Variants in SGCZ observed in about 807,000 individuals in gnomAD.
The protein encoded by SGCZ is sarcoglycan zeta.
A neutral mutation model predicts 41.3 loss-of-function variants in SGCZ; 40 were observed. The ratio of observed to expected loss-of-function variants is 0.97; its 90% confidence interval spans 0.75 to 1.26. The LOEUF is 1.26. SGCZ is among the 50% of genes most tolerant of loss of function. SGCZ has a pLI of 0.00. For missense variants in SGCZ, 552 were observed against 369.8 expected, an observed-to-expected ratio of 1.49 and a Z score of -4.04; for synonymous variants, 206 against 137.5, an observed-to-expected ratio of 1.50 and a Z score of -3.49.
intron 1 of SGCZ, among the ~76,000 whole-genome samples, chr8:14,672,789 A>G (rs1295040897): frequency 6.6e-6 from 1 of 152,154 alleles, no homozygotes; most frequent in Admixed American, 6.5e-5. Context: ...TCCTAGTACT[A>G]GTAAGACCTC....
chr8:14,731,424 T>A (rs1050161953), intron 1 of SGCZ, among the ~76,000 whole-genome samples: 1 of 151,874 alleles, frequency 6.6e-6, no homozygotes, highest in African/African-American at 2.4e-5. Flanking sequence ...TTAGGAGAAA[T>A]ACCTGATGTA....
At chr8:14,905,933 A>C (rs1243710743) in intron 1 of SGCZ, among the ~76,000 whole-genome samples, 1 of 152,126 alleles carries the variant, frequency 6.6e-6, no homozygotes, top group East Asian at 1.9e-4. Context: ...TACCTCTACA[A>C]ATAAAATAAA....
At chr8:14,983,319 C>T (rs898204834) in intron 1 of SGCZ, among the ~76,000 whole-genome samples, 1 of 151,864 alleles carries the variant, frequency 6.6e-6, no homozygotes, top group Non-Finnish European at 1.5e-5. Context: ...TGCCTCAGCA[C>T]ACCAGGTGGC....
chr8:14,130,692 G>C (rs923373408), intron 5 of SGCZ, among the ~76,000 whole-genome samples: 1 of 152,174 alleles, frequency 6.6e-6, no homozygotes, highest in African/African-American at 2.4e-5. Context: ...ACGAAAAACA[G>C]CTTGAAAAAT....
At chr8:14,318,793 G>A (rs752910679) in intron 3 of SGCZ, among the ~76,000 whole-genome samples, 6 of 151,800 alleles carry the variant, frequency 4.0e-5, no homozygotes, top group Non-Finnish European at 5.9e-5. Context: ...TAACTCATCA[G>A]GAATAATCAA....
At chr8:15,028,777 A>G (rs1382048104) in intron 1 of SGCZ, among the ~76,000 whole-genome samples, 1 of 152,058 alleles carries the variant, frequency 6.6e-6, no homozygotes, top group African/African-American at 2.4e-5. Flanking sequence ...AGATCTTCCT[A>G]TCTAACTCAA....
intron 3 of SGCZ, among the ~76,000 whole-genome samples, chr8:14,240,698 C>G (rs1172023809): frequency 2.6e-5 from 4 of 152,120 alleles, no homozygotes; most frequent in Non-Finnish European, 1.5e-5. Context: ...AACCAAGTAT[C>G]CATTTTTGAT....
At chr8:15,042,913 A>G (rs1489915348) in intron 1 of SGCZ, among the ~76,000 whole-genome samples, 1 of 152,160 alleles carries the variant, frequency 6.6e-6, no homozygotes, top group Non-Finnish European at 1.5e-5. Flanking sequence ...TTATTATTTA[A>G]TAGTGTTTCA....
At chr8:14,964,601 C>T (rs769264848) in intron 1 of SGCZ, among the ~76,000 whole-genome samples, 13 of 152,184 alleles carry the variant, frequency 8.5e-5, no homozygotes, top group Non-Finnish European at 1.6e-4. Flanking sequence ...GCCAATCCCA[C>T]ACGTAGCTTT....
At chr8:14,771,946 T>C (rs1800254514) in intron 1 of SGCZ, among the ~76,000 whole-genome samples, 1 of 152,188 alleles carries the variant, frequency 6.6e-6, no homozygotes, top group African/African-American at 2.4e-5. Flanking sequence ...TGATATCTAT[T>C]TGATTTCATA....
At chr8:14,518,912 T>C (rs1341159853) in intron 2 of SGCZ, among the ~76,000 whole-genome samples, 1 of 73,578 alleles carries the variant, frequency 1.4e-5, no homozygotes, top group African/African-American at 5.8e-5. Flanking sequence ...AAAAAAAAAA[T>C]ACAAAAATTA....
At chr8:14,624,799 G>A (rs1225449863) in intron 1 of SGCZ, among the ~76,000 whole-genome samples, 1 of 151,524 alleles carries the variant, frequency 6.6e-6, no homozygotes, top group East Asian at 2.0e-4. Flanking sequence ...TTGAACTCCT[G>A]ACCTCAGGAG....
At chr8:14,910,646 A>G (rs1799256558) in intron 1 of SGCZ, among the ~76,000 whole-genome samples, 1 of 151,994 alleles carries the variant, frequency 6.6e-6, no homozygotes, top group Admixed American at 6.6e-5. Flanking sequence ...GGACATTAAC[A>G]GAAAACATCG....
At chr8:14,745,795 T>C (rs896170323) in intron 1 of SGCZ, among the ~76,000 whole-genome samples, 2 of 152,084 alleles carry the variant, frequency 1.3e-5, no homozygotes, top group African/African-American at 2.4e-5. Context: ...AACAGTTTTC[T>C]GGACATTGAT....
chr8:14,733,034 C>T (rs544536949), intron 1 of SGCZ, among the ~76,000 whole-genome samples: 7 of 152,108 alleles, frequency 4.6e-5, no homozygotes, highest in South Asian at 2.1e-4. Context: ...CTCTCAGGGA[C>T]GCTCAGGGTT....
chr8:14,798,267 A>G (rs1801203696), intron 1 of SGCZ, among the ~76,000 whole-genome samples: 1 of 152,220 alleles, frequency 6.6e-6, no homozygotes, highest in South Asian at 2.1e-4. Context: ...TGAAGAAAGT[A>G]TACAAGTCCT....
chr8:15,176,376 T>C (rs1387278377), intron 1 of SGCZ, among the ~76,000 whole-genome samples: 2 of 152,176 alleles, frequency 1.3e-5, no homozygotes, highest in Non-Finnish European at 2.9e-5. Flanking sequence ...TCTCATTCAA[T>C]AGAAGATAGT....
intron 1 of SGCZ, among the ~76,000 whole-genome samples, chr8:14,809,269 A>T (rs1408217420): frequency 6.6e-6 from 1 of 152,108 alleles, no homozygotes. Context: ...AATAAATAAA[A>T]GAGCAAACTG....
intron 2 of SGCZ, among the ~76,000 whole-genome samples, chr8:14,358,631 A>G (rs1803385201): frequency 6.6e-6 from 1 of 152,014 alleles, no homozygotes. Context: ...TATTTTTTTG[A>G]GATGGAGTCT....
Sources: allele counts gnomAD v4.1 joint callset (sites outside exome capture counted in the v4.1 genomes callset), GRCh38; gene constraint gnomAD v4.1.1; transcripts MANE v1.5; gene names NCBI Gene and HGNC (gene_info 2026-07-23, HGNC 2026-07-21).